Variants in CDH22 observed in about 807,000 individuals in gnomAD.
CDH22 encodes the protein cadherin 22.
In CDH22, 30 loss-of-function variants were observed where a neutral mutation model predicts 58.4. That is an observed-to-expected ratio of 0.51 (90% confidence interval 0.38 to 0.70). The LOEUF is 0.70. CDH22 is among the 30% of genes least tolerant of loss of function. The pLI is 0.00. For synonymous variants in CDH22, 513 were observed against 558.2 expected (o/e 0.92, Z 1.14); for missense variants, 1,014 against 1,233.9 (o/e 0.82, Z 2.67).
intron 7 of CDH22, among the ~76,000 whole-genome samples, chr20:46,200,652 G>A (rs1047352215): frequency 1.3e-5 from 2 of 152,150 alleles, no homozygotes; most frequent in Non-Finnish European, 2.9e-5. Context: ...TGTGGGTGGC[G>A]TTCTGGGCAG....
At chr20:46,305,255 C>T (rs2145789300) in intron 1 of CDH22, among the ~76,000 whole-genome samples, 1 of 152,308 alleles carries the variant, frequency 6.6e-6, no homozygotes, top group South Asian at 2.1e-4. Context: ...CAGAGCCTGT[C>T]CTCGTGGTGA....
At chr20:46,235,266 G>A (rs1237578806) in intron 3 of CDH22, among the ~76,000 whole-genome samples, 2 of 152,226 alleles carry the variant, frequency 1.3e-5, no homozygotes, top group Admixed American at 1.3e-4. Flanking sequence ...TGGGAGACCT[G>A]TGAAATCCTC....
chr20:46,212,090 C>T (rs564049403), intron 6 of CDH22, among the ~76,000 whole-genome samples: 1 of 152,292 alleles, frequency 6.6e-6, no homozygotes, highest in African/African-American at 2.4e-5. Flanking sequence ...TATCCTCAAG[C>T]CCTCAATGCC....
chr20:46,250,956 G>T, intron 2 of CDH22, 84 bp downstream of exon 2: 1 of 823,056 alleles, frequency 1.2e-6, no homozygotes. Flanking sequence ...ATTTAAAAGG[G>T]CAGGTGAACA....
At chr20:46,243,098 C>T (rs2086303602) in intron 2 of CDH22, among the ~76,000 whole-genome samples, 1 of 152,190 alleles carries the variant, frequency 6.6e-6, no homozygotes, top group Non-Finnish European at 1.5e-5. Flanking sequence ...GGAGTGTGGA[C>T]AAGAGAATCC....
intron 8 of CDH22, among the ~76,000 whole-genome samples, chr20:46,193,744 G>C (rs981221833): frequency 4.6e-5 from 7 of 152,094 alleles, no homozygotes; most frequent in Non-Finnish European, 1.0e-4. Flanking sequence ...CAAGCTCCCA[G>C]GCCTTTGCAC....
At chr20:46,284,153 G>T (rs1015538130) in intron 1 of CDH22, among the ~76,000 whole-genome samples, 5 of 152,030 alleles carry the variant, frequency 3.3e-5, no homozygotes, top group African/African-American at 7.3e-5. Context: ...CACACCGAGA[G>T]GGGGCTGGCT....
intron 4 of CDH22, among the ~76,000 whole-genome samples, chr20:46,226,375 T>G (rs1032202087): frequency 1.3e-5 from 2 of 150,804 alleles, no homozygotes; most frequent in East Asian, 3.9e-4. Flanking sequence ...AGCCTCGACC[T>G]CCTGGGCTCA....
intron 1 of CDH22, among the ~76,000 whole-genome samples, chr20:46,301,268 G>T (rs545836692): frequency 6.6e-6 from 1 of 151,986 alleles, no homozygotes. Context: ...TACTTCATAT[G>T]AGCCCCGTGC....
intron 5 of CDH22, among the ~76,000 whole-genome samples, chr20:46,215,591 GGTCAT>G (rs1363492460): frequency 1.3e-5 from 2 of 152,170 alleles, no homozygotes; most frequent in African/African-American, 4.8e-5. Flanking sequence ...CCTGGCTGGT[GGTCAT>G]AGGATTGTTT....
chr20:46,197,295 G>GATATATATATATATATATATATATAT (rs34730995), intron 8 of CDH22, among the ~76,000 whole-genome samples: 76 of 141,972 alleles, frequency 5.4e-4, no homozygotes, highest in African/African-American at 8.0e-4. Context: ...TCTAGGCCAG[G>GATATATATATATATATATATATATAT]ATATATATAT....
At chr20:46,295,336 T>C (rs1568685396) in intron 1 of CDH22, among the ~76,000 whole-genome samples, 1 of 152,208 alleles carries the variant, frequency 6.6e-6, no homozygotes, top group Non-Finnish European at 1.5e-5. Context: ...CAGAACTCCC[T>C]CCTGAAAGCC....
At chr20:46,263,420 G>GTGTGTA (rs2086443535) in intron 1 of CDH22, among the ~76,000 whole-genome samples, 1 of 151,596 alleles carries the variant, frequency 6.6e-6, no homozygotes, top group South Asian at 2.1e-4. Flanking sequence ...GTGTGTGTGT[G>GTGTGTA]TGTGTGTGCG....
intron 8 of CDH22, among the ~76,000 whole-genome samples, chr20:46,197,810 C>T (rs1382729722): frequency 2.0e-5 from 3 of 152,078 alleles, no homozygotes; most frequent in Non-Finnish European, 2.9e-5. Context: ...TTGAAAGAGA[C>T]GAAGGGAACT....
intron 4 of CDH22, among the ~76,000 whole-genome samples, chr20:46,226,380 G>A (rs1462173519): frequency 6.6e-6 from 1 of 150,838 alleles, no homozygotes; most frequent in Non-Finnish European, 1.5e-5. Context: ...CGACCTCCTG[G>A]GCTCAAGCAA....
rs2086371270 is a variant in CDH22, at chr20:46,251,238, C to T, written c.57G>A (p.Ala19=). The change falls in exon 2 of 12, where the codon GCG becomes GCA. Residue 19 remains alanine, a synonymous_variant. Coordinates refer to ENST00000537909, the MANE Select transcript of CDH22 (RefSeq NM_021248.3). The surrounding 1 kb of genome is among the most constrained non-coding windows in gnomAD (Gnocchi z 6.7). ...GLRAGVALSP[A]LLLLLLLPPP... is the part of the protein sequence containing the mutation. ...GCGGCAGCAGCAGCAGCAGCAGTAG[C>T]GCGGGGGACAGCGCGACTCCCGCCC... 2.0e-6 allele frequency: 3 copies of T among 1,472,766 alleles called. No individual in the cohort carries two copies. Among genetic ancestry groups the T allele is most frequent in the Admixed American group, 2.7e-5 (1 of 37,596 alleles). The allele number at this position is 1,472,766 out of a possible 1,614,324, so 91.2% of individuals were successfully genotyped here. A position where few individuals can be genotyped will look rare whatever the true frequency, so the allele number is the denominator to read the frequency against.
chr20:46,227,612 T>C lies in CDH22; in HGVS notation c.566A>G (p.Gln189Arg), dbSNP rs1333114737. 6.2e-6 allele frequency: 10 copies of C among 1,612,526 alleles called. No homozygotes were observed. Among genetic ancestry groups the C allele is most frequent in the Non-Finnish European group, 7.6e-6 (9 of 1,179,610 alleles). Residue 189 changes from glutamine (Q) to arginine (R), a missense_variant, in exon 4 of 12, where the codon CAG becomes CGG. Gln to Arg is a conservative substitution (Grantham distance 43). Around this residue, in one of 2 missense-constraint regions of CDH22, gnomAD observed 806 missense variants for 1,038.7 expected, o/e 0.78. Coordinates refer to ENST00000537909, the MANE Select transcript of CDH22 (RefSeq NM_021248.3). ...ELSPTGTSVM[Q>R]VMASDADDPT... ...GTCATCCGCATCCGAGGCCATCACC[T>C]GCATCACCGACGTGCCTGGGCCCGG...
chr20:46,258,071 A>G lies in CDH22; in HGVS notation c.-399-6378T>C, dbSNP rs116377647. The stretch of plus-strand genomic sequence containing the variant: ...GTTCCCCCAGTTTGGATGATAAATC[A>G]TGTGATCCTACTGATAGGTCAGATG... On this transcript the variant is annotated intron_variant, in intron 1 of 11. Coordinates refer to ENST00000537909, the MANE Select transcript of CDH22 (RefSeq NM_021248.3). 6.0e-3 allele frequency among the ~76,000 whole-genome samples: 921 copies of G among 152,270 alleles called. 9 individuals carry two copies. The highest frequency in any genetic ancestry group is 0.021 in the African/African-American group (880 of 41,528).
At chr20:46,176,569 C>T (rs1235282418) in intron 11 of CDH22, among the ~76,000 whole-genome samples, 4 of 152,194 alleles carry the variant, frequency 2.6e-5, no homozygotes, top group African/African-American at 4.8e-5. Flanking sequence ...CAGACATGTA[C>T]GAGGTACTGT....
Sources: allele counts gnomAD v4.1 joint callset (sites outside exome capture counted in the v4.1 genomes callset), GRCh38; gene constraint gnomAD v4.1.1; regional missense constraint gnomAD v4.1.1; non-coding constraint Gnocchi (gnomAD v3.1); transcripts MANE v1.5; gene names NCBI Gene and HGNC (gene_info 2026-07-23, HGNC 2026-07-21).